Variants in DIS3L2 observed in about 807,000 individuals in gnomAD.
DIS3L2 encodes DIS3 like 3'-5' exoribonuclease 2.
DIS3L2 carries 34 observed loss-of-function variants against 97.5 expected under a neutral mutation model. The observed-to-expected ratio is 0.35, with a 90% CI of 0.27 to 0.46. DIS3L2 has a LOEUF of 0.46. Among genes scored for constraint, DIS3L2 ranks in the 20% least tolerant of loss-of-function variants. DIS3L2 has a pLI of 1.00. For missense variants in DIS3L2, 1,038 were observed against 1,146.0 expected (o/e 0.91, Z 1.36); for synonymous variants, 435 against 445.2 (o/e 0.98, Z 0.29).
At chr2:232,147,953 C>T (rs1318662507) in intron 8 of DIS3L2, among the ~76,000 whole-genome samples, 2 of 141,096 alleles carry the variant, frequency 1.4e-5, no homozygotes, top group African/African-American at 2.7e-5. Context: ...CTTCCCTCCC[C>T]TCCCTTTCCT....
At chr2:232,135,364 T>G (rs1248936752) in intron 7 of DIS3L2, among the ~76,000 whole-genome samples, 2 of 151,916 alleles carry the variant, frequency 1.3e-5, no homozygotes, top group African/African-American at 4.8e-5. Flanking sequence ...TGGGAAAACA[T>G]GGACACCCAT....
chr2:232,166,097 A>C (rs1352517557), intron 9 of DIS3L2, among the ~76,000 whole-genome samples: 3 of 149,494 alleles, frequency 2.0e-5, no homozygotes, highest in South Asian at 2.1e-4. Context: ...TAAATAAATA[A>C]ATAAATAAAT....
At chr2:232,216,474 G>T (rs1348666140) in intron 10 of DIS3L2, among the ~76,000 whole-genome samples, 1 of 151,954 alleles carries the variant, frequency 6.6e-6, no homozygotes, top group African/African-American at 2.4e-5. Context: ...CCCTTTCCCT[G>T]CAAAGCCACA....
intron 8 of DIS3L2, among the ~76,000 whole-genome samples, chr2:232,147,354 C>G (rs1690246431): frequency 6.6e-6 from 1 of 152,274 alleles, no homozygotes; most frequent in African/African-American, 2.4e-5. Context: ...TGCCCCTTCT[C>G]TCCTCCTCCA....
intron 5 of DIS3L2, among the ~76,000 whole-genome samples, chr2:232,047,698 G>C (rs1695279760): frequency 6.6e-6 from 1 of 152,088 alleles, no homozygotes; most frequent in African/African-American, 2.4e-5. Flanking sequence ...AAGAATCCCT[G>C]TGCCCATTAA....
chr2:232,138,633 T>G (rs943603296), intron 8 of DIS3L2, among the ~76,000 whole-genome samples: 1 of 152,170 alleles, frequency 6.6e-6, no homozygotes, highest in Admixed American at 6.6e-5. Context: ...AGAACTGAGG[T>G]CACTTTTTCT....
chr2:232,212,358 GT>G (rs2106220527), intron 10 of DIS3L2, among the ~76,000 whole-genome samples: 1 of 152,306 alleles, frequency 6.6e-6, no homozygotes, highest in Non-Finnish European at 1.5e-5. Flanking sequence ...TGCTTCATTT[GT>G]TTTGTCCATT....
intron 1 of DIS3L2, among the ~76,000 whole-genome samples, chr2:231,994,904 C>G (rs1236326157): frequency 1.3e-5 from 2 of 149,484 alleles, no homozygotes; most frequent in Non-Finnish European, 3.0e-5. Flanking sequence ...CCTCAACCTT[C>G]TAGGCTCAGG....
At chr2:232,278,927 T>TTTTG (rs996673055) in intron 13 of DIS3L2, among the ~76,000 whole-genome samples, 8 of 152,150 alleles carry the variant, frequency 5.3e-5, no homozygotes, top group Admixed American at 2.0e-4. Context: ...ATCAGCAATT[T>TTTTG]TTTGTTTGTT....
At chr2:232,330,560 A>T in intron 15 of DIS3L2, 130 bp from the exon 16 acceptor site, 9 of 877,230 alleles carry the variant, frequency 1.0e-5, no homozygotes, top group African/African-American at 1.6e-5. Flanking sequence ...ATCCCCTCTG[A>T]GCAGGGCTGA....
intron 13 of DIS3L2, among the ~76,000 whole-genome samples, chr2:232,266,159 T>C (rs1265670009): frequency 1.3e-5 from 2 of 152,216 alleles, no homozygotes; most frequent in Non-Finnish European, 2.9e-5. Flanking sequence ...GACTGTCAGG[T>C]GATCCCAGCT....
chr2:232,330,586 C>G, intron 15 of DIS3L2, 104 bp from the exon 16 acceptor site: 1 of 1,231,482 alleles, frequency 8.1e-7, no homozygotes, highest in Non-Finnish European at 1.2e-6. Context: ...ACAGGCAACT[C>G]CTCCCCCCAG....
chr2:232,057,212 A>T (rs1170319698), intron 5 of DIS3L2, among the ~76,000 whole-genome samples: 1 of 152,156 alleles, frequency 6.6e-6, no homozygotes. Flanking sequence ...TTGAAGGGGC[A>T]ATAATTGAAA....
intron 6 of DIS3L2, among the ~76,000 whole-genome samples, chr2:232,108,113 C>A (rs1697409101): frequency 6.6e-6 from 1 of 152,104 alleles, no homozygotes; most frequent in Non-Finnish European, 1.5e-5. Context: ...CCTTGATGAA[C>A]ATCAGTGTAA....
chr2:232,279,024 G>A (rs995800654), intron 13 of DIS3L2, among the ~76,000 whole-genome samples: 6 of 152,058 alleles, frequency 3.9e-5, no homozygotes, highest in Admixed American at 1.3e-4. Context: ...TGCAACCTCC[G>A]CCTCCTGGGT....
chr2:232,332,507 C>G (rs1282679723), intron 16 of DIS3L2, among the ~76,000 whole-genome samples: 1 of 151,434 alleles, frequency 6.6e-6, no homozygotes, highest in Non-Finnish European at 1.5e-5. Flanking sequence ...TCACTCGCTC[C>G]CAGGCAGTAG....
intron 14 of DIS3L2, among the ~76,000 whole-genome samples, chr2:232,309,337 G>C (rs1244631558): frequency 6.6e-6 from 1 of 152,166 alleles, no homozygotes; most frequent in Non-Finnish European, 1.5e-5. Context: ...GCTGAGATGG[G>C]ATTGGATGTT....
chr2:231,984,764 C>T (rs1175061459), intron 1 of DIS3L2, among the ~76,000 whole-genome samples: 4 of 152,002 alleles, frequency 2.6e-5, no homozygotes, highest in Non-Finnish European at 5.9e-5. Flanking sequence ...GGATTACATG[C>T]GTGCGCCACG....
intron 1 of DIS3L2, among the ~76,000 whole-genome samples, chr2:231,963,869 C>T (rs1007630684): frequency 6.6e-6 from 1 of 152,122 alleles, no homozygotes; most frequent in Admixed American, 6.5e-5. Flanking sequence ...CAGGTGCGCA[C>T]TACCACGTTC....
Sources: allele counts gnomAD v4.1 joint callset (sites outside exome capture counted in the v4.1 genomes callset), GRCh38; gene constraint gnomAD v4.1.1; transcripts MANE v1.5; gene names NCBI Gene and HGNC (gene_info 2026-07-23, HGNC 2026-07-21).